Variants in MYT1L observed in about 807,000 individuals in gnomAD.
The protein encoded by MYT1L is myelin transcription factor 1-like protein.
MYT1L carries 12 observed loss-of-function variants against 126.7 expected under a neutral mutation model. The observed-to-expected ratio is 0.09, with a 90% CI of 0.06 to 0.15. The LOEUF (loss-of-function observed/expected upper bound fraction) is 0.15. MYT1L is among the 10% of genes least tolerant of loss of function. The pLI is 1.00. For synonymous variants in MYT1L, 541 were observed against 604.2 expected (o/e 0.90, Z 1.53); for missense variants, 979 against 1,585.2 (o/e 0.62, Z 6.49).
At chr2:1,880,028 A>G (rs2047340671) in intron 18 of MYT1L, among the ~76,000 whole-genome samples, 1 of 152,220 alleles carries the variant, frequency 6.6e-6, no homozygotes. Flanking sequence ...TAAAAACCAA[A>G]AACATCACAA....
chr2:2,245,654 G>A (rs1012799348), intron 2 of MYT1L, among the ~76,000 whole-genome samples: 1 of 151,792 alleles, frequency 6.6e-6, no homozygotes, highest in Admixed American at 6.6e-5. Context: ...TCTTGGAGTA[G>A]GCTAGAGCTG....
intron 4 of MYT1L, among the ~76,000 whole-genome samples, chr2:2,032,985 T>C (rs2066531799): frequency 3.8e-5 from 5 of 131,318 alleles, no homozygotes; most frequent in Admixed American, 3.1e-4. Context: ...AGGAGTGCCT[T>C]ATACACACCC....
At chr2:2,245,242 C>T (rs1462175721) in intron 2 of MYT1L, among the ~76,000 whole-genome samples, 5 of 152,166 alleles carry the variant, frequency 3.3e-5, no homozygotes, top group Admixed American at 6.5e-5. Context: ...GGATGATTAA[C>T]GACCTTCGGC....
intron 2 of MYT1L, among the ~76,000 whole-genome samples, chr2:2,219,322 T>C (rs1171013062): frequency 2.6e-5 from 4 of 152,234 alleles, no homozygotes; most frequent in African/African-American, 9.6e-5. Flanking sequence ...GGGTTTAGAA[T>C]TGGCTTTCTG....
At chr2:2,138,738 A>C (rs1261163476) in intron 3 of MYT1L, among the ~76,000 whole-genome samples, 1 of 147,018 alleles carries the variant, frequency 6.8e-6, no homozygotes, top group African/African-American at 2.5e-5. Context: ...AGATATACCT[A>C]ATGCTAGATG....
At chr2:2,095,174 T>C (rs562610655) in intron 3 of MYT1L, among the ~76,000 whole-genome samples, 1 of 152,264 alleles carries the variant, frequency 6.6e-6, no homozygotes, top group South Asian at 2.1e-4. Context: ...TGCCCCCAAG[T>C]TGTGACAGAA....
Position 1,910,043 on chromosome 2 carries a change from G to C in MYT1L, c.1817+197C>G, listed in dbSNP as rs1251276313. On this transcript the variant is annotated intron_variant, in intron 13 of 24. Coordinates refer to ENST00000647738, the MANE Select transcript of MYT1L (RefSeq NM_001303052.2). This position sits in a 1 kb window ranked among gnomAD's most constrained non-coding sequence, Gnocchi z 4.8. The stretch of plus-strand genomic sequence containing the variant: ...TGTCACAGCGAATCCGCAGACACCA[G>C]GGGAAGAATGACACCCTTGCCCTCA... Among the ~76,000 whole-genome samples the C allele has an allele frequency of 6.6e-6, 1 of 152,202 alleles. No homozygotes were observed. The highest frequency in any genetic ancestry group is 2.4e-5 in the African/African-American group (1 of 41,454).
rs189339025 is a variant in MYT1L, at chr2:1,950,015, C to T, written c.153-6681G>A. ...ACCAGCTCAGTTAATACCAGCACTG[C>T]TTAGAAAGTGCTTCCTGTGTGCTTG... On this transcript the variant is annotated intron_variant, in intron 8 of 24. Coordinates refer to ENST00000647738, the MANE Select transcript of MYT1L (RefSeq NM_001303052.2). 3.9e-5 allele frequency among the ~76,000 whole-genome samples: 6 copies of T among 152,214 alleles called. No homozygotes were observed. In the East Asian group the frequency reaches 1.2e-3, roughly 29 times the overall value.
chr2:2,007,359 C>T (rs1199127013), intron 4 of MYT1L, among the ~76,000 whole-genome samples: 2 of 152,040 alleles, frequency 1.3e-5, no homozygotes, highest in Non-Finnish European at 2.9e-5. Flanking sequence ...TAGCTGTAAA[C>T]CAAAAAGTAT....
intron 4 of MYT1L, among the ~76,000 whole-genome samples, chr2:2,045,396 G>A (rs1480239762): frequency 3.9e-5 from 6 of 152,174 alleles, no homozygotes; most frequent in Non-Finnish European, 7.3e-5. Flanking sequence ...AGAGGCTCTG[G>A]GAGGGGTGTC....
At chr2:2,311,898 C>T (rs1282152276) in intron 1 of MYT1L, among the ~76,000 whole-genome samples, 2 of 152,176 alleles carry the variant, frequency 1.3e-5, no homozygotes, top group Non-Finnish European at 2.9e-5. Context: ...TTTGGGATTC[C>T]AAATACATTT....
chr2:1,844,101 C>T (rs959887842), intron 19 of MYT1L, among the ~76,000 whole-genome samples: 11 of 152,112 alleles, frequency 7.2e-5, no homozygotes, highest in Admixed American at 5.2e-4. Context: ...TCTTTACCTG[C>T]CCCCACTCAC....
chr2:2,137,121 C>T (rs1371067314), intron 3 of MYT1L, among the ~76,000 whole-genome samples: 1 of 152,150 alleles, frequency 6.6e-6, no homozygotes, highest in Non-Finnish European at 1.5e-5. Flanking sequence ...ACCTAGGAAT[C>T]CACCTTACAA....
intron 9 of MYT1L, among the ~76,000 whole-genome samples, chr2:1,940,280 T>C (rs1470720630): frequency 2.1e-5 from 3 of 142,850 alleles, no homozygotes; most frequent in Non-Finnish European, 4.5e-5. Flanking sequence ...TCTCTCAACA[T>C]CTCCCTGTGG....
intron 3 of MYT1L, among the ~76,000 whole-genome samples, chr2:2,097,482 C>T (rs925083199): frequency 2.0e-5 from 3 of 152,134 alleles, no homozygotes; most frequent in Non-Finnish European, 4.4e-5. Flanking sequence ...ACTCATGCAT[C>T]TTCTCATCTC....
At chr2:2,201,988 C>T (rs370168242) in intron 2 of MYT1L, among the ~76,000 whole-genome samples, 9 of 152,162 alleles carry the variant, frequency 5.9e-5, no homozygotes, top group Admixed American at 4.6e-4. Context: ...CACTCAATTA[C>T]ATGGAAACTG....
chr2:2,170,276 C>G (rs562786060), intron 3 of MYT1L, among the ~76,000 whole-genome samples: 17 of 152,358 alleles, frequency 1.1e-4, no homozygotes, highest in African/African-American at 3.8e-4. Context: ...CATGGGTTGA[C>G]AAACTCAAGC....
chr2:1,873,698 CAG>C (rs1303718590), intron 18 of MYT1L, among the ~76,000 whole-genome samples: 2 of 152,158 alleles, frequency 1.3e-5, no homozygotes, highest in African/African-American at 4.8e-5. Context: ...GGGGAGCGCT[CAG>C]AGAGCTCTGA....
At chr2:2,038,651 G>A (rs1055804265) in intron 4 of MYT1L, among the ~76,000 whole-genome samples, 2 of 151,994 alleles carry the variant, frequency 1.3e-5, no homozygotes, top group African/African-American at 2.4e-5. Context: ...GTAATGTGAC[G>A]TTGCTTGTTT....
Sources: gnomAD v4.1 joint callset for allele counts (sites outside exome capture counted in the v4.1 genomes callset) on GRCh38, gnomAD v4.1.1 for gene constraint, Gnocchi (gnomAD v3.1) non-coding constraint, MANE v1.5 for transcripts, NCBI Gene and HGNC (gene_info 2026-07-23, HGNC 2026-07-21) for gene names.